Variants in ITIH5 observed in about 807,000 individuals in gnomAD.
The protein encoded by ITIH5 is inter-alpha-trypsin inhibitor heavy chain 5.
ITIH5 carries 65 observed loss-of-function variants against 77.5 expected under a neutral mutation model. That is an observed-to-expected ratio of 0.84 (90% CI 0.69 to 1.03). The LOEUF is 1.03. ITIH5 is among the 50% of genes least tolerant of loss of function. The probability of loss-of-function intolerance (pLI) is 0.00; values close to 1 mark genes in which losing one functional copy is unlikely to be tolerated. For synonymous variants in ITIH5, 525 were observed against 494.3 expected, an observed-to-expected ratio of 1.06 and a Z score of -0.82; for missense variants, 1,208 against 1,213.1, an observed-to-expected ratio of 1.00 and a Z score of 0.06.
intron 4 of ITIH5, among the ~76,000 whole-genome samples, chr10:7,637,768 G>A (rs1014246280): frequency 6.6e-6 from 1 of 152,194 alleles, no homozygotes; most frequent in Non-Finnish European, 1.5e-5. Context: ...GGGAAAGGAC[G>A]TTGAGTAGGT....
At chr10:7,588,941 G>A (rs894970469) in intron 7 of ITIH5, among the ~76,000 whole-genome samples, 4 of 152,220 alleles carry the variant, frequency 2.6e-5, no homozygotes, top group African/African-American at 9.6e-5. Flanking sequence ...AAAATGCAGG[G>A]AGTCTGACTT....
At chr10:7,652,059 C>T (rs1011193441) in intron 2 of ITIH5, among the ~76,000 whole-genome samples, 6 of 152,100 alleles carry the variant, frequency 3.9e-5, no homozygotes, top group Non-Finnish European at 7.4e-5. Context: ...ATGATGGCAG[C>T]GAATCCTCTT....
chr10:7,630,959 C>A (rs1833702454), intron 5 of ITIH5, among the ~76,000 whole-genome samples: 1 of 151,266 alleles, frequency 6.6e-6, no homozygotes, highest in African/African-American at 2.4e-5. Flanking sequence ...TCTTGTAAGT[C>A]CTTCAGTTTT....
intron 13 of ITIH5, 70 bp from the exon 14 acceptor site, chr10:7,563,454 A>G (rs1832078768): frequency 2.1e-6 from 3 of 1,398,116 alleles, no homozygotes; most frequent in Non-Finnish European, 2.9e-6. Flanking sequence ...CCAACTTCAG[A>G]GCTATCAGTG....
chr10:7,597,087 C>CTTCT (rs1772629336), intron 7 of ITIH5, among the ~76,000 whole-genome samples: 1 of 121,486 alleles, frequency 8.2e-6, no homozygotes, highest in Non-Finnish European at 1.8e-5. Context: ...AATCAAAGAC[C>CTTCT]TTCTAAAAGC....
chr10:7,641,925 A>G lies in ITIH5; in HGVS notation c.299+2T>C, dbSNP rs1444415052. On this transcript the variant is annotated splice_donor_variant, in intron 3 of 13. Coordinates refer to ENST00000397146, the MANE Select transcript of ITIH5 (RefSeq NM_030569.7). LOFTEE classifies it high-confidence loss of function. ...TTCATCCCTGACCAGCGTGTCACCT[A>G]CATAGTGAAGTTGGTGATGAAAGCT... 1.2e-6 allele frequency: 2 copies of G among 1,614,018 alleles called. No individual in the cohort carries two copies. Among genetic ancestry groups the G allele is most frequent in the South Asian group, 2.2e-5 (2 of 91,060 alleles).
At chr10:7,576,407 C>T in intron 10 of ITIH5, 46 bp downstream of exon 10, 2 of 1,450,558 alleles carry the variant, frequency 1.4e-6, no homozygotes, top group Non-Finnish European at 9.1e-7. Context: ...TGAGTGGTAT[C>T]TCAGGCCCGC....
At chr10:7,615,338 T>C (rs968372487) in intron 7 of ITIH5, among the ~76,000 whole-genome samples, 3 of 152,228 alleles carry the variant, frequency 2.0e-5, no homozygotes, top group African/African-American at 7.2e-5. Context: ...AGATATTAGC[T>C]GGTCTGGCAG....
intron 8 of ITIH5, 54 bp from the exon 9 acceptor site, chr10:7,580,118 T>C (rs1186787975): frequency 7.1e-7 from 1 of 1,412,244 alleles, no homozygotes; most frequent in East Asian, 2.5e-5. Context: ...CTCCGCACTC[T>C]GATTGCACTT....
At chr10:7,586,246 T>C (rs367716048) in intron 7 of ITIH5, among the ~76,000 whole-genome samples, 177 bp from the exon 8 acceptor site, 1 of 151,744 alleles carries the variant, frequency 6.6e-6, no homozygotes, top group East Asian at 1.9e-4. Context: ...GAAAAAATGG[T>C]ATAAAGATGT....
At chr10:7,593,799 T>C (rs1415750943) in intron 7 of ITIH5, among the ~76,000 whole-genome samples, 5 of 152,080 alleles carry the variant, frequency 3.3e-5, no homozygotes, top group Non-Finnish European at 7.4e-5. Context: ...CACTAACTCC[T>C]GCAGACTGCA....
intron 8 of ITIH5, among the ~76,000 whole-genome samples, chr10:7,582,824 G>A (rs1832593292): frequency 6.6e-6 from 1 of 152,182 alleles, no homozygotes; most frequent in Admixed American, 6.5e-5. Context: ...GTAGAAGGAT[G>A]GTTTCCAGAG....
Position 7,629,284 on chromosome 10 carries a change from T to C in ITIH5, c.652+7944A>G, listed in dbSNP as rs570088147. On this transcript the variant is annotated intron_variant, in intron 5 of 13. Coordinates refer to ENST00000397146, the MANE Select transcript of ITIH5 (RefSeq NM_030569.7). ...GCGTGTGTCCATGTTGTAGCGTGTG[T>C]CCCTGTTGTAGCGTGTGTCCATGTT... Among the ~76,000 whole-genome samples the C allele has an allele frequency of 1.6e-3, 191 of 121,096 alleles. 2 individuals are homozygous for C. Among genetic ancestry groups the C allele is most frequent in the African/African-American group, 6.4e-3 (180 of 28,076 alleles). 79.4% of individuals were successfully genotyped at this position (121,096 alleles called of 152,430 possible). A position where few individuals can be genotyped will look rare whatever the true frequency, so the allele number is the denominator to read the frequency against.
At chr10:7,621,913 A>G (rs1833480307) in intron 5 of ITIH5, 2 of 152,234 alleles carry the variant, frequency 1.3e-5, no homozygotes, top group Non-Finnish European at 2.9e-5. Context: ...GGTGCAGAAC[A>G]AAAAAGAGGA....
At chr10:7,583,889 A>C (rs1299540091) in intron 8 of ITIH5, among the ~76,000 whole-genome samples, 1 of 152,182 alleles carries the variant, frequency 6.6e-6, no homozygotes, top group East Asian at 1.9e-4. Context: ...AACAGACAGG[A>C]GCTGTCATCA....
intron 4 of ITIH5, among the ~76,000 whole-genome samples, chr10:7,638,926 T>C (rs1833841577): frequency 6.6e-6 from 1 of 152,248 alleles, no homozygotes; most frequent in Non-Finnish European, 1.5e-5. Flanking sequence ...GTTCATTTTG[T>C]TATGTTAAAT....
chr10:7,571,868 G>A (rs566232460), intron 11 of ITIH5: 18 of 614,878 alleles, frequency 2.9e-5, no homozygotes, highest in Non-Finnish European at 2.6e-5. Context: ...CCTTTTTCAC[G>A]TATTTTTGAT....
chr10:7,569,647 G>T, intron 12 of ITIH5, 21 bp downstream of exon 12: 1 of 1,508,064 alleles, frequency 6.6e-7, no homozygotes, highest in Non-Finnish European at 9.1e-7. Flanking sequence ...CCCAGATGCT[G>T]CAGCGGAAGG....
intron 1 of ITIH5, among the ~76,000 whole-genome samples, chr10:7,662,322 G>A (rs1020504161): frequency 2.0e-5 from 3 of 151,662 alleles, no homozygotes; most frequent in Non-Finnish European, 2.9e-5. Context: ...ATGCCACTGC[G>A]CTCCAGCCTG....
Sources: allele counts gnomAD v4.1 joint callset (sites outside exome capture counted in the v4.1 genomes callset), GRCh38; gene constraint gnomAD v4.1.1; transcripts MANE v1.5; gene names NCBI Gene and HGNC (gene_info 2026-07-23, HGNC 2026-07-21).